Variants in CCKBR observed in about 807,000 individuals in gnomAD.
The protein encoded by CCKBR is cholecystokinin B receptor.
A neutral mutation model predicts 34.6 loss-of-function variants in CCKBR; 33 were observed. The ratio of observed to expected loss-of-function variants is 0.95; its 90% CI spans 0.72 to 1.27. CCKBR has a LOEUF of 1.27. Among genes scored for constraint, CCKBR ranks in the 50% most tolerant of loss-of-function variants. CCKBR has a pLI of 0.00. For missense variants in CCKBR, 652 were observed against 617.4 expected, an observed-to-expected ratio of 1.06 and a Z score of -0.59; for synonymous variants, 269 against 267.5, an observed-to-expected ratio of 1.01 and a Z score of -0.06.
At chr11:6,261,462 T>TACACACACACACAC (rs60678871) in intron 1 of CCKBR, among the ~76,000 whole-genome samples, 15 of 63,950 alleles carry the variant, frequency 2.3e-4, no homozygotes, top group East Asian at 1.3e-3. Context: ...AAAATATATA[T>TACACACACACACAC]ACACACACAC....
intron 1 of CCKBR, among the ~76,000 whole-genome samples, chr11:6,261,454 A>AAAAATATATAT (rs1447691939): frequency 0.013 from 775 of 60,828 alleles, 38 homozygotes; most frequent in Non-Finnish European, 0.019. Context: ...AAAAAAAAAA[A>AAAAATATATAT]ATATATATAC....
rs74598750 is a variant in CCKBR, at chr11:6,271,561, G to A, written c.*18G>A. 3.2e-6 allele frequency: 5 copies of A among 1,563,282 alleles called. No homozygotes were observed. The highest frequency in any genetic ancestry group is 4.3e-6 in the Non-Finnish European group (5 of 1,157,050). ...CTGGCTGAGGAGTAGAGGGGCCGTG[G>A]GGGTTGAGGCAGGGCAAATGACATG... On this transcript the variant is annotated 3_prime_UTR_variant, in exon 5 of 5. Transcript: ENST00000334619.
Position 6,261,449 on chromosome 11 carries a change from A to AT in CCKBR, c.151+1370_151+1371insT, listed in dbSNP as rs1303624144. Among the ~76,000 whole-genome samples, 384 of 59,088 alleles carry AT rather than the reference A, an allele frequency of 6.5e-3. 14 individuals carry two copies. The highest frequency in any genetic ancestry group is 0.017 in the African/African-American group (326 of 19,144). 38.8% of individuals were successfully genotyped at this position (59,088 alleles called of 152,430 possible). On this transcript the variant is annotated intron_variant, in intron 1 of 4. Coordinates refer to ENST00000334619, the MANE Select transcript of CCKBR (RefSeq NM_176875.4). ...TTCCTGTTGGCAAAAAAAAAAAAAA[A>AT]AAAAAATATATATACACACACACAC...
Position 6,270,682 on chromosome 11 carries a change from G to A in CCKBR, c.690G>A (p.Pro230=), listed in dbSNP as rs1377852095. ...VLLLLLLFFI[P]GVVMAVAYGL... is the part of the protein sequence containing the mutation. The stretch of plus-strand genomic sequence containing the variant: ...TGCTTCTGCTCTTGTTCTTCATCCC[G>A]GGTGTGGTTATGGCCGTGGCCTACG... Residue 230 remains proline, a synonymous_variant, in exon 4 of 5, where the codon CCG becomes CCA. Transcript: ENST00000334619. 1.2e-6 allele frequency: 2 copies of A among 1,612,342 alleles called. No individual in the cohort carries two copies. Among genetic ancestry groups the A allele is most frequent in the East Asian group, 2.2e-5 (1 of 44,832 alleles).
Position 6,271,200 on chromosome 11 carries a change from T to C in CCKBR, c.1001T>C (p.Met334Thr). The change falls in exon 5 of 5, where the codon ATG (methionine) becomes ACG (threonine). Residue 334 changes from methionine (M) to threonine (T), a missense_variant. Coordinates refer to ENST00000334619, the MANE Select transcript of CCKBR (RefSeq NM_176875.4). The stretch of plus-strand genomic sequence containing the variant: ...CTGGCTAAGAAGCGCGTGGTGCGAA[T>C]GTTGCTGGTGATCGTTGTGCTTTTT... ...KLLAKKRVVR[M>T]LLVIVVLFFL... 1 of 1,614,136 alleles carries C rather than the reference T, an allele frequency of 6.2e-7. No homozygotes were observed. The highest frequency in any genetic ancestry group is 8.5e-7 in the Non-Finnish European group (1 of 1,180,014).
chr11:6,270,581 G>C lies in CCKBR; in HGVS notation c.654-65G>C, dbSNP rs1457445813. On this transcript the variant is annotated intron_variant, in intron 3 of 4. Coordinates refer to ENST00000334619, the MANE Select transcript of CCKBR (RefSeq NM_176875.4). ...ACAGCCCTAGAAACACTAGTCCTTG[G>C]CTTTTTCTCCATCTGTGATTACAGC... is the stretch of plus-strand genomic sequence containing the variant. The C allele has an allele frequency of 2.6e-6, 4 of 1,521,636 alleles. No individual in the cohort carries two copies. In the East Asian group the frequency reaches 9.1e-5, roughly 35 times the overall value. The allele number at this position is 1,521,636 out of a possible 1,614,324, so 94.3% of individuals were successfully genotyped here.
At position 6,260,096 on chromosome 11, in the gene CCKBR, G is replaced by GCC. The variant is rs552247907; in HGVS notation, c.151+24_151+25dup. 3.5e-5 allele frequency: 55 copies of GCC among 1,567,876 alleles called. 1 individual carries two copies. The Admixed American group carries it at 7.4e-4, about 21-fold the overall frequency. ...GGACACGAGGTGGGTGCCTCCCTCA[G>GCC]CCCCCCCCACAAGCTATTTCTCACT... On this transcript the variant is annotated intron_variant, in intron 1 of 4. Coordinates refer to ENST00000334619, the MANE Select transcript of CCKBR (RefSeq NM_176875.4).
intron 1 of CCKBR, among the ~76,000 whole-genome samples, chr11:6,265,328 T>C (rs1848195032): frequency 6.6e-6 from 1 of 152,198 alleles, no homozygotes; most frequent in Non-Finnish European, 1.5e-5. Context: ...GCAAACTTTA[T>C]AAGGGTAATA....
intron 1 of CCKBR, among the ~76,000 whole-genome samples, chr11:6,266,207 AT>A (rs1848206740): frequency 6.6e-6 from 1 of 152,164 alleles, no homozygotes; most frequent in African/African-American, 2.4e-5. Context: ...AGGAGGCAGT[AT>A]GGGCCAGGCG....
Position 6,271,515 on chromosome 11 carries a change from C to T in CCKBR, c.1316C>T (p.Thr439Ile). 6.2e-7 allele frequency: 1 copy of T among 1,603,698 alleles called. No homozygotes were observed. Among genetic ancestry groups the T allele is most frequent in the Admixed American group, 1.7e-5 (1 of 59,710 alleles). ...GCTTCGCTGTCCAGGCTTAGCTACA[C>T]CACCATCAGCACACTGGGCCCTGGC... ...SIASLSRLSY[T>I]TISTLGPG The change falls in exon 5 of 5, where the codon ACC becomes ATC. Residue 439 changes from threonine to isoleucine, a missense_variant. Thr to Ile is a moderately conservative substitution (Grantham distance 89, BLOSUM62 -1). Coordinates refer to ENST00000334619, the MANE Select transcript of CCKBR (RefSeq NM_176875.4).
At chr11:6,262,992 G>A (rs1219132426) in intron 1 of CCKBR, among the ~76,000 whole-genome samples, 4 of 152,160 alleles carry the variant, frequency 2.6e-5, no homozygotes, top group Non-Finnish European at 4.4e-5. Context: ...TTATCTAAAT[G>A]CTCCTCACAC....
rs750982132 is a variant in CCKBR, at chr11:6,271,533, G to A, written c.1334G>A (p.Gly445Asp). The change falls in exon 5 of 5, where the codon GGC becomes GAC. Residue 445 changes from glycine (G) to aspartate (D), a missense_variant. Physicochemically the swap from Gly to Asp is moderately conservative, Grantham distance 94. Coordinates refer to ENST00000334619, the MANE Select transcript of CCKBR (RefSeq NM_176875.4). ...AGCTACACCACCATCAGCACACTGG[G>A]CCCTGGCTGAGGAGTAGAGGGGCCG... ...RLSYTTISTL[G>D]PG 7 of 1,593,764 alleles carry A rather than the reference G, an allele frequency of 4.4e-6. No homozygotes were observed. Among genetic ancestry groups the A allele is most frequent in the South Asian group, 1.1e-5 (1 of 90,092 alleles).
Position 6,271,567 on chromosome 11 carries a change from G to T in CCKBR, c.*24G>T, listed in dbSNP as rs776852704. ...GAGGAGTAGAGGGGCCGTGGGGGTT[G>T]AGGCAGGGCAAATGACATGCACTGA... On this transcript the variant is annotated 3_prime_UTR_variant, in exon 5 of 5. Coordinates refer to ENST00000334619, the MANE Select transcript of CCKBR (RefSeq NM_176875.4). 2.8e-5 allele frequency: 43 copies of T among 1,551,514 alleles called. No homozygotes were observed. The highest frequency in any genetic ancestry group is 3.5e-5 in the Non-Finnish European group (40 of 1,152,950).
rs759205953 is a variant in CCKBR at position 6,260,072 on chromosome 11, G to A, written c.144G>A (p.Gly48=). 17 of 1,592,286 alleles carry A rather than the reference G, an allele frequency of 1.1e-5. No homozygotes were observed. The highest frequency in any genetic ancestry group is 1.4e-5 in the Non-Finnish European group (17 of 1,172,834). The part of the protein sequence containing the change: ...SCEPPRIRGA[G]TRELELAIRI... ...AGCCCCCTCGCATTCGCGGAGCCGG[G>A]ACACGAGGTGGGTGCCTCCCTCAGC... Residue 48 remains glycine (G), a synonymous_variant, in exon 1 of 5, where the codon GGG becomes GGA. Transcript: ENST00000334619.
rs148924129 is a variant in CCKBR, at chr11:6,269,767, C to T, written c.250C>T (p.Arg84Cys). Residue 84 changes from arginine to cysteine, a missense_variant, in exon 2 of 5, where the codon CGC becomes TGC. Arg to Cys is a radical substitution (Grantham distance 180, BLOSUM62 -3). Transcript: ENST00000334619. ...LIIVVLGLSR[R>C]LRTVTNAFLL... The stretch of plus-strand genomic sequence containing the variant: ...CATCGTGGTCCTGGGACTGAGCCGC[C>T]GCCTGAGGACTGTCACCAATGCCTT... 13 of 1,614,026 alleles carry T rather than the reference C, an allele frequency of 8.1e-6. No homozygotes were observed. The highest frequency in any genetic ancestry group is 1.3e-5 in the African/African-American group (1 of 74,912).
intron 1 of CCKBR, among the ~76,000 whole-genome samples, chr11:6,261,462 T>TATACACACACACACAC (rs764173521): frequency 1.6e-5 from 1 of 64,004 alleles, no homozygotes; most frequent in African/African-American, 6.0e-5. Context: ...AAAATATATA[T>TATACACACACACACAC]ACACACACAC....
chr11:6,268,554 G>C (rs1350131966), intron 1 of CCKBR, among the ~76,000 whole-genome samples: 1 of 152,174 alleles, frequency 6.6e-6, no homozygotes, highest in Admixed American at 6.5e-5. Context: ...AGCTCCAACA[G>C]CACCTTATAC....
chr11:6,269,398 A>C (rs1354076454), intron 1 of CCKBR, among the ~76,000 whole-genome samples: 1 of 152,176 alleles, frequency 6.6e-6, no homozygotes, highest in Non-Finnish European at 1.5e-5. Context: ...ATATCCTCTT[A>C]AGAAGTTTGT....
At chr11:6,263,273 A>G (rs1848163023) in intron 1 of CCKBR, among the ~76,000 whole-genome samples, 1 of 152,166 alleles carries the variant, frequency 6.6e-6, no homozygotes, top group South Asian at 2.1e-4. Context: ...CCATCCATCA[A>G]ACACTACTCA....
Sources: allele counts gnomAD v4.1 joint callset (sites outside exome capture counted in the v4.1 genomes callset), GRCh38; gene constraint gnomAD v4.1.1; transcripts MANE v1.5; gene names NCBI Gene and HGNC (gene_info 2026-07-23, HGNC 2026-07-21).